Variants in ZFP91 observed in about 807,000 individuals in gnomAD.
The protein encoded by ZFP91 is ZFP91 zinc finger protein, atypical E3 ubiquitin ligase, also known as E3 ubiquitin-protein ligase ZFP91.
A neutral mutation model predicts 63.5 loss-of-function variants in ZFP91; 7 were observed. The ratio of observed to expected loss-of-function variants is 0.11; its 90% CI spans 0.06 to 0.21. The LOEUF (loss-of-function observed/expected upper bound fraction) is 0.21. Ranked by LOEUF, ZFP91 falls within the 10% of genes least tolerant of loss-of-function variation. ZFP91 has a pLI of 1.00. For synonymous variants in ZFP91, 330 were observed against 272.1 expected (o/e 1.21, Z -2.10); for missense variants, 628 against 736.6 (o/e 0.85, Z 1.71).
intron 2 of ZFP91, among the ~76,000 whole-genome samples, chr11:58,602,502 T>C (rs927752254): frequency 2.0e-5 from 3 of 152,186 alleles, no homozygotes; most frequent in African/African-American, 7.2e-5. Context: ...GGTTTATATT[T>C]ATTATATTTT....
intron 3 of ZFP91, 56 bp downstream of exon 3, chr11:58,610,095 T>A: frequency 6.3e-7 from 1 of 1,585,344 alleles, no homozygotes; most frequent in Non-Finnish European, 8.6e-7. Context: ...ACATTTTAAA[T>A]GTAATGTTGA....
chr11:58,605,388 T>G (rs1357792511), intron 2 of ZFP91, among the ~76,000 whole-genome samples: 3 of 152,228 alleles, frequency 2.0e-5, no homozygotes, highest in Non-Finnish European at 4.4e-5. Context: ...TGTTTTAATT[T>G]ATGGCTTTAA....
intron 1 of ZFP91, among the ~76,000 whole-genome samples, chr11:58,583,397 A>G (rs116474667): frequency 6.6e-6 from 1 of 152,190 alleles, no homozygotes; most frequent in African/African-American, 2.4e-5. Flanking sequence ...CATTTTTGGT[A>G]TATTTTCTTG....
intron 1 of ZFP91, among the ~76,000 whole-genome samples, chr11:58,582,860 TAAA>T (rs1323437500): frequency 6.6e-6 from 1 of 152,122 alleles, no homozygotes; most frequent in Non-Finnish European, 1.5e-5. Context: ...GAAGGGGAAA[TAAA>T]AATTTTTCAT....
At chr11:58,586,658 A>G (rs1278978341) in intron 2 of ZFP91, among the ~76,000 whole-genome samples, 1 of 152,204 alleles carries the variant, frequency 6.6e-6, no homozygotes, top group Non-Finnish European at 1.5e-5. Flanking sequence ...TGTAACATTC[A>G]TACAAGATGA....
At chr11:58,593,894 A>T (rs1483031418) in intron 2 of ZFP91, among the ~76,000 whole-genome samples, 1 of 152,178 alleles carries the variant, frequency 6.6e-6, no homozygotes, top group Non-Finnish European at 1.5e-5. Context: ...GTTATTCTCT[A>T]GTCCTGTCTC....
Position 58,579,571 on chromosome 11 carries a change from A to G in ZFP91, c.290A>G (p.Gln97Arg). 5 of 1,584,780 alleles carry G rather than the reference A, an allele frequency of 3.2e-6. No homozygotes were observed. The highest frequency in any genetic ancestry group is 4.3e-6 in the Non-Finnish European group (5 of 1,168,694). The part of the protein sequence containing the change: ...RPPDVPGQQP[Q>R]AAKSPSPVQG... ...CCCGACGTCCCCGGGCAGCAGCCCC[A>G]GGCCGCGAAGTCCCCGTCTCCAGTT... is the stretch of plus-strand genomic sequence containing the variant. Residue 97 changes from glutamine (Q) to arginine (R), a missense_variant, in exon 1 of 11, where the codon CAG becomes CGG. Transcript: ENST00000316059.
chr11:58,593,405 C>CA (rs1472127465), intron 2 of ZFP91, among the ~76,000 whole-genome samples: 1 of 152,116 alleles, frequency 6.6e-6, no homozygotes, highest in Non-Finnish European at 1.5e-5. Flanking sequence ...AACGTGTTCT[C>CA]AATATTAGTG....
At chr11:58,580,883 A>G (rs1356739050) in intron 1 of ZFP91, among the ~76,000 whole-genome samples, 2 of 152,232 alleles carry the variant, frequency 1.3e-5, no homozygotes, top group African/African-American at 4.8e-5. Flanking sequence ...TTAGACTTCT[A>G]ATTGCTGTAG....
intron 9 of ZFP91, among the ~76,000 whole-genome samples, chr11:58,614,646 C>T (rs954487448): frequency 1.3e-5 from 2 of 152,082 alleles, no homozygotes; most frequent in Non-Finnish European, 2.9e-5. Flanking sequence ...TTAGTCTATT[C>T]AACACCACTA....
At chr11:58,592,079 CTTTTTTTT>C (rs34964779) in intron 2 of ZFP91, among the ~76,000 whole-genome samples, 1 of 108,394 alleles carries the variant, frequency 9.2e-6, no homozygotes, top group Non-Finnish European at 1.9e-5. Context: ...CTGAGCACAT[CTTTTTTTT>C]TTTTTTTTTT....
chr11:58,591,661 T>TC (rs373053205), intron 2 of ZFP91, among the ~76,000 whole-genome samples: 1 of 152,360 alleles, frequency 6.6e-6, no homozygotes, highest in East Asian at 1.9e-4. Flanking sequence ...TTGTTTTTTT[T>TC]CTGGACATTT....
intron 6 of ZFP91, 170 bp from the exon 7 acceptor site, chr11:58,612,108 G>A: frequency 3.0e-6 from 2 of 659,492 alleles, no homozygotes; most frequent in South Asian, 2.0e-5. Context: ...AATTACTTCA[G>A]GGTAAAATTA....
intron 2 of ZFP91, among the ~76,000 whole-genome samples, chr11:58,595,759 T>G (rs1044771532): frequency 1.3e-5 from 2 of 152,036 alleles, no homozygotes; most frequent in Non-Finnish European, 2.9e-5. Context: ...GTATTTTTAG[T>G]AGAGACAGGG....
chr11:58,586,806 C>T (rs150597516), intron 2 of ZFP91, among the ~76,000 whole-genome samples: 127 of 152,256 alleles, frequency 8.3e-4, no homozygotes, highest in African/African-American at 3.0e-3. Flanking sequence ...CATGTTCAGT[C>T]TGCTAAATTT....
At chr11:58,585,112 A>G (rs1246218017) in intron 2 of ZFP91, among the ~76,000 whole-genome samples, 1 of 152,184 alleles carries the variant, frequency 6.6e-6, no homozygotes, top group African/African-American at 2.4e-5. Context: ...GGTAATTTAT[A>G]GTAACTTTTT....
chr11:58,591,460 T>TCATAAAATTCACC lies in ZFP91; in HGVS notation c.370+6580_370+6592dup, dbSNP rs538401501. 4.9e-3 allele frequency among the ~76,000 whole-genome samples: 729 copies of TCATAAAATTCACC among 148,848 alleles called. 1 individual carries two copies. The highest frequency in any genetic ancestry group is 0.01 in the Middle Eastern group (3 of 290). On this transcript the variant is annotated intron_variant, in intron 2 of 10. Coordinates refer to ENST00000316059, the MANE Select transcript of ZFP91 (RefSeq NM_053023.5). ...GTGTTATTGGGATGTAATTTATACA[T>TCATAAAATTCACC]CATAAAATTCACCCATTTCAAATGT...
At chr11:58,616,511 A>G (rs1049670465) in intron 9 of ZFP91, among the ~76,000 whole-genome samples, 6 of 151,948 alleles carry the variant, frequency 3.9e-5, no homozygotes, top group African/African-American at 1.5e-4. Flanking sequence ...TTTTTTTTTA[A>G]ACAGGTCCTT....
Position 58,584,953 on chromosome 11 carries a change from C to T in ZFP91, c.370+69C>T, listed in dbSNP as rs372701916. 1.5e-5 allele frequency: 19 copies of T among 1,257,148 alleles called. No homozygotes were observed. The African/African-American group carries it at 2.3e-4, about 15-fold the overall frequency. 77.9% of individuals were successfully genotyped at this position (1,257,148 alleles called of 1,614,324 possible). On this transcript the variant is annotated intron_variant, in intron 2 of 10. Transcript: ENST00000316059. Reference sequence around the variant, plus strand: ...TATCTTTTAATCTGTTAGAAAGCCTCATCATTCAAATTGGTTCCCATTTAA... The same window carrying T: ...TATCTTTTAATCTGTTAGAAAGCCTTATCATTCAAATTGGTTCCCATTTAA...
Sources: allele counts gnomAD v4.1 joint callset (sites outside exome capture counted in the v4.1 genomes callset), GRCh38; gene constraint gnomAD v4.1.1; transcripts MANE v1.5; gene names NCBI Gene and HGNC (gene_info 2026-07-23, HGNC 2026-07-21).